Variants in CLNK observed in about 807,000 individuals in gnomAD.
The protein encoded by CLNK is cytokine dependent hematopoietic cell linker, also known as cytokine-dependent hematopoietic cell linker.
A neutral mutation model predicts 68.6 loss-of-function variants in CLNK; 74 were observed. That is an observed-to-expected ratio of 1.08 (90% CI 0.89 to 1.31). CLNK has a LOEUF of 1.31. Ranked by LOEUF, CLNK falls within the 50% of genes most tolerant of loss-of-function variation. The probability of loss-of-function intolerance (pLI) is 0.00; values close to 1 mark genes in which losing one functional copy is unlikely to be tolerated. For synonymous variants in CLNK, 198 were observed against 172.2 expected (o/e 1.15, Z -1.17); for missense variants, 553 against 515.3 (o/e 1.07, Z -0.71).
intron 2 of CLNK, among the ~76,000 whole-genome samples, chr4:10,666,713 T>G (rs1414936559): frequency 2.0e-5 from 3 of 152,222 alleles, no homozygotes; most frequent in African/African-American, 7.2e-5. Context: ...GATGCTTGAT[T>G]AGCTTAATTC....
intron 2 of CLNK, among the ~76,000 whole-genome samples, chr4:10,651,914 A>T (rs1723754959): frequency 6.6e-6 from 1 of 152,070 alleles, no homozygotes; most frequent in Non-Finnish European, 1.5e-5. Context: ...ACATAAGATA[A>T]ACTGATAGAA....
chr4:10,518,144 T>A (rs1474918779), intron 15 of CLNK, among the ~76,000 whole-genome samples: 1 of 152,002 alleles, frequency 6.6e-6, no homozygotes, highest in Non-Finnish European at 1.5e-5. Context: ...ACTAGCATAG[T>A]GGAGGTGCAC....
At chr4:10,681,170 T>C (rs1725080825) in intron 1 of CLNK, among the ~76,000 whole-genome samples, 1 of 152,204 alleles carries the variant, frequency 6.6e-6, no homozygotes, top group East Asian at 1.9e-4. Context: ...ATTTGTCTCC[T>C]GGGAGGGAAT....
chr4:10,554,868 A>G (rs1719601920), intron 8 of CLNK, among the ~76,000 whole-genome samples: 1 of 152,196 alleles, frequency 6.6e-6, no homozygotes, highest in Admixed American at 6.5e-5. Context: ...TATAGTCTGG[A>G]TGAATGGGAT....
At chr4:10,515,481 A>G (rs1183349475) in intron 15 of CLNK, among the ~76,000 whole-genome samples, 1 of 152,102 alleles carries the variant, frequency 6.6e-6, no homozygotes, top group African/African-American at 2.4e-5. Flanking sequence ...GAATAACTTC[A>G]AAAAATGAAA....
intron 12 of CLNK, among the ~76,000 whole-genome samples, chr4:10,530,531 C>A (rs1198338109): frequency 1.3e-5 from 2 of 152,196 alleles, no homozygotes; most frequent in Non-Finnish European, 2.9e-5. Context: ...CCTTCTTGTT[C>A]TTTAGATGAT....
At chr4:10,697,397 C>T in the CLNK span, 1 of 152,142 alleles carries the variant, frequency 6.6e-6, no homozygotes, top group Admixed American at 6.5e-5. Context: ...GCATGACTGC[C>T]TTAATGAGGA....
chr4:10,644,645 T>C (rs901921285), intron 2 of CLNK, among the ~76,000 whole-genome samples: 2 of 152,176 alleles, frequency 1.3e-5, no homozygotes, highest in Admixed American at 6.6e-5. Flanking sequence ...CACCAAACAA[T>C]GTCAGTAATG....
intron 7 of CLNK, among the ~76,000 whole-genome samples, chr4:10,558,958 T>C (rs1405525012): frequency 6.6e-6 from 1 of 152,128 alleles, no homozygotes; most frequent in East Asian, 1.9e-4. Context: ...CTTAGTTTCC[T>C]TATCTGTGAA....
intron 4 of CLNK, among the ~76,000 whole-genome samples, chr4:10,579,025 G>C (rs1037103942): frequency 2.0e-5 from 3 of 152,206 alleles, no homozygotes; most frequent in Non-Finnish European, 2.9e-5. Context: ...TGGTTGTGGT[G>C]TAAGAGAACC....
At chr4:10,614,640 G>T (rs1378708292) in intron 2 of CLNK, among the ~76,000 whole-genome samples, 1 of 152,168 alleles carries the variant, frequency 6.6e-6, no homozygotes, top group Non-Finnish European at 1.5e-5. Flanking sequence ...ACCGAAATCT[G>T]CATTGTAATA....
At chr4:10,522,182 TGG>T (rs1464408108) in intron 14 of CLNK, among the ~76,000 whole-genome samples, 1 of 145,442 alleles carries the variant, frequency 6.9e-6, no homozygotes, top group Non-Finnish European at 1.5e-5. Flanking sequence ...GGTGTGAACC[TGG>T]GAGGCGGAGG....
chr4:10,569,375 C>T (rs189108193), intron 5 of CLNK, among the ~76,000 whole-genome samples: 14 of 151,544 alleles, frequency 9.2e-5, no homozygotes, highest in African/African-American at 3.4e-4. Flanking sequence ...TCTCTCTCCC[C>T]ACCCGTCCCC....
At chr4:10,618,431 G>A (rs748793154) in intron 2 of CLNK, among the ~76,000 whole-genome samples, 47 of 152,156 alleles carry the variant, frequency 3.1e-4, no homozygotes, top group Non-Finnish European at 5.3e-4. Context: ...GAAATCTTCC[G>A]AAACTGATTT....
At position 10,610,771 on chromosome 4, in the gene CLNK, AACACACACACACACACACACACAC is replaced by A. The variant is rs59809551; in HGVS notation, c.12-12746_12-12723del. On this transcript the variant is annotated intron_variant, in intron 2 of 18. Transcript: ENST00000226951. Reference sequence around the variant, plus strand: ...GTGATAGAAAACAACATAAAAAAGCAACACACACACACACACACACACACACACACACACACACACACACACACG... The same window carrying A: ...GTGATAGAAAACAACATAAAAAAGCAACACACACACACACACACACACACG... 1.9e-3 allele frequency among the ~76,000 whole-genome samples: 273 copies of A among 144,604 alleles called. 1 individual carries two copies. Among genetic ancestry groups the A allele is most frequent in the African/African-American group, 6.7e-3 (260 of 38,708 alleles). 94.9% of individuals were successfully genotyped at this position (144,604 alleles called of 152,430 possible). A position where few individuals can be genotyped will look rare whatever the true frequency, so the allele number is the denominator to read the frequency against.
intron 10 of CLNK, 75 bp from the exon 11 acceptor site, chr4:10,540,679 G>GCTCTGCC (rs1718978170): frequency 1.0e-6 from 1 of 993,620 alleles, no homozygotes; most frequent in Non-Finnish European, 1.6e-6. Context: ...AATCCACACT[G>GCTCTGCC]CTCTGCCCTC....
intron 2 of CLNK, among the ~76,000 whole-genome samples, chr4:10,623,156 C>G (rs138700964): frequency 6.6e-6 from 1 of 152,226 alleles, no homozygotes; most frequent in African/African-American, 2.4e-5. Context: ...AGTTCTCATT[C>G]CAGAAAATGA....
chr4:10,616,814 A>G (rs199775380), intron 2 of CLNK, among the ~76,000 whole-genome samples: 27,171 of 107,548 alleles, frequency 0.25, 3,064 homozygotes, highest in Middle Eastern at 0.34. Flanking sequence ...ATATATATAT[A>G]TATATATATA....
rs1453201082 is a variant in CLNK, at chr4:10,487,634, T to G, written c.*2833A>C. ...AGCATTTGCAGGTCTTTTTTTTTTG[T>G]TGTTTTTCTTTTTCCCAGGATAGCC... On this transcript the variant is annotated 3_prime_UTR_variant, in exon 19 of 19. Transcript: ENST00000226951. 6.6e-6 allele frequency: 1 copy of G among 152,000 alleles called. No homozygotes were observed. The highest frequency in any genetic ancestry group is 1.5e-5 in the Non-Finnish European group (1 of 68,034). The allele number at this position is 152,000 out of a possible 1,614,324, so 9.4% of individuals were successfully genotyped here.
Sources: allele counts gnomAD v4.1 joint callset (sites outside exome capture counted in the v4.1 genomes callset), GRCh38; gene constraint gnomAD v4.1.1; transcripts MANE v1.5; gene names NCBI Gene and HGNC (gene_info 2026-07-23, HGNC 2026-07-21).